Variants in CREB5 observed in about 807,000 individuals in gnomAD.
CREB5 encodes the protein cAMP responsive element binding protein 5.
Under a neutral mutation model 57.1 loss-of-function variants are expected in CREB5, and 19 were observed. The ratio of observed to expected loss-of-function variants is 0.33; its 90% confidence interval spans 0.23 to 0.49. The LOEUF is 0.49. Among genes scored for constraint, CREB5 ranks in the 20% least tolerant of loss-of-function variants. The pLI is 0.99. For synonymous variants in CREB5, 238 were observed against 238.3 expected, an observed-to-expected ratio of 1.00 and a Z score of 0.01; for missense variants, 579 against 671.6, an observed-to-expected ratio of 0.86 and a Z score of 1.52.
intron 4 of CREB5, among the ~76,000 whole-genome samples, chr7:28,509,676 T>C (rs1792620769): frequency 6.6e-6 from 1 of 152,100 alleles, no homozygotes; most frequent in Admixed American, 6.5e-5. Context: ...TGAAAAAGAG[T>C]ATAGATAATT....
chr7:28,355,624 TCCCCCTG>T (rs1283445694), intron 1 of CREB5, among the ~76,000 whole-genome samples: 7 of 152,080 alleles, frequency 4.6e-5, no homozygotes, highest in Non-Finnish European at 1.0e-4. Flanking sequence ...ATAAAAATGC[TCCCCCTG>T]CCACCACTTA....
chr7:28,454,022 C>G (rs187480078), intron 1 of CREB5, among the ~76,000 whole-genome samples: 2 of 142,798 alleles, frequency 1.4e-5, no homozygotes, highest in Admixed American at 1.5e-4. Flanking sequence ...GGCATGATCT[C>G]GGCTCACTGT....
At chr7:28,396,506 A>G (rs1253146574) in intron 1 of CREB5, among the ~76,000 whole-genome samples, 1 of 152,128 alleles carries the variant, frequency 6.6e-6, no homozygotes, top group African/African-American at 2.4e-5. Flanking sequence ...CAAATTAAAC[A>G]TATTTTTTCA....
intron 1 of CREB5, among the ~76,000 whole-genome samples, chr7:28,302,237 A>G (rs1281233308): frequency 6.6e-6 from 1 of 152,204 alleles, no homozygotes; most frequent in Non-Finnish European, 1.5e-5. Flanking sequence ...TAAGTATTTC[A>G]TTAATAATTT....
chr7:28,674,715 A>G (rs1182785457), intron 5 of CREB5, among the ~76,000 whole-genome samples: 2 of 152,154 alleles, frequency 1.3e-5, no homozygotes, highest in African/African-American at 2.4e-5. Flanking sequence ...CTGTATCACT[A>G]CTCATCCAGA....
chr7:28,487,804 G>C (rs1791631193), intron 1 of CREB5, among the ~76,000 whole-genome samples: 1 of 152,190 alleles, frequency 6.6e-6, no homozygotes, highest in South Asian at 2.1e-4. Context: ...CTTTCAGCAG[G>C]ACTGGACAAG....
Position 28,560,915 on chromosome 7 carries a change from C to CGT in CREB5, c.292-9444_292-9443dup, listed in dbSNP as rs1272052332. 9.9e-3 allele frequency among the ~76,000 whole-genome samples: 168 copies of CGT among 16,894 alleles called. 25 individuals carry two copies. Among genetic ancestry groups the CGT allele is most frequent in the African/African-American group, 0.041 (147 of 3,610 alleles). The allele number at this position is 16,894 out of a possible 152,430, so 11.1% of individuals were successfully genotyped here. On this transcript the variant is annotated intron_variant, in intron 4 of 10. Transcript: ENST00000357727. ...GTGTGTGCGTGCGCGCGTGCGTGTG[C>CGT]GTGTGTGCGCGTGCGTGTGTGCGTG...
chr7:28,661,970 A>G (rs941895847), intron 5 of CREB5, among the ~76,000 whole-genome samples: 9 of 152,214 alleles, frequency 5.9e-5, no homozygotes, highest in African/African-American at 1.9e-4. Context: ...TGTAATAGGG[A>G]ACACAGTTCT....
At chr7:28,305,274 C>T (rs550005408) in intron 1 of CREB5, among the ~76,000 whole-genome samples, 128 of 152,176 alleles carry the variant, frequency 8.4e-4, no homozygotes, top group Non-Finnish European at 1.0e-3. Context: ...GCTTTCTCAT[C>T]TCCAGTCTTT....
chr7:28,744,458 G>A lies in CREB5; in HGVS notation c.702+20126G>A, dbSNP rs564046886. On this transcript the variant is annotated intron_variant, in intron 7 of 10. Transcript: ENST00000357727. ...CGCCTCCCACGTTCAAGCGATTCTC[G>A]TGCCTCAGCCTCCCGAGTAGCTGGG... 1.1e-4 allele frequency among the ~76,000 whole-genome samples: 16 copies of A among 145,912 alleles called. 1 individual carries two copies. In the South Asian group the frequency reaches 1.8e-3, roughly 16 times the overall value.
At chr7:28,461,159 G>A (rs555217092) in intron 1 of CREB5, among the ~76,000 whole-genome samples, 1 of 151,866 alleles carries the variant, frequency 6.6e-6, no homozygotes, top group Non-Finnish European at 1.5e-5. Context: ...GGGGTTCAAG[G>A]CTACAGTGAC....
intron 8 of CREB5, among the ~76,000 whole-genome samples, chr7:28,808,484 A>C (rs1185903925): frequency 1.3e-5 from 2 of 152,096 alleles, no homozygotes; most frequent in Non-Finnish European, 2.9e-5. Context: ...AATAACCCTG[A>C]CCTTTCTGTT....
intron 7 of CREB5, among the ~76,000 whole-genome samples, chr7:28,795,483 C>A (rs957679780): frequency 6.6e-6 from 1 of 152,190 alleles, no homozygotes; most frequent in Non-Finnish European, 1.5e-5. Flanking sequence ...CAGTATCTGG[C>A]AGAGGAGCCA....
At chr7:28,720,978 C>T (rs1803002926) in intron 6 of CREB5, among the ~76,000 whole-genome samples, 1 of 152,162 alleles carries the variant, frequency 6.6e-6, no homozygotes, top group South Asian at 2.1e-4. Context: ...GTTTCTACCA[C>T]ATCATTTATT....
At chr7:28,465,775 AT>A (rs777371151) in intron 1 of CREB5, among the ~76,000 whole-genome samples, 53 of 151,550 alleles carry the variant, frequency 3.5e-4, no homozygotes, top group African/African-American at 7.5e-4. Flanking sequence ...ACTAATGGCT[AT>A]TTTTTTTTCC....
chr7:28,326,751 T>C (rs1040051356), intron 1 of CREB5, among the ~76,000 whole-genome samples: 92 of 152,250 alleles, frequency 6.0e-4, no homozygotes, highest in African/African-American at 2.1e-3. Context: ...ATTCTTATTA[T>C]AGAATTAGGG....
intron 5 of CREB5, among the ~76,000 whole-genome samples, chr7:28,650,599 C>A (rs189523153): frequency 6.6e-6 from 1 of 152,072 alleles, no homozygotes; most frequent in South Asian, 2.1e-4. Flanking sequence ...CTTCCCCCCC[C>A]AACCTTCCAT....
intron 7 of CREB5, among the ~76,000 whole-genome samples, chr7:28,761,724 ATGTGTGTG>A (rs3831526): frequency 2.7e-5 from 4 of 146,052 alleles, no homozygotes; most frequent in Non-Finnish European, 4.6e-5. Context: ...GATGTGAGGG[ATGTGTGTG>A]TGTGTGTGTG....
At chr7:28,416,078 G>A (rs1240546346) in intron 1 of CREB5, among the ~76,000 whole-genome samples, 2 of 152,186 alleles carry the variant, frequency 1.3e-5, no homozygotes, top group African/African-American at 4.8e-5. Flanking sequence ...TTTAGTCTGT[G>A]CTGTATTTAA....
Sources: allele counts gnomAD v4.1 joint callset (sites outside exome capture counted in the v4.1 genomes callset), GRCh38; gene constraint gnomAD v4.1.1; transcripts MANE v1.5; gene names NCBI Gene and HGNC (gene_info 2026-07-23, HGNC 2026-07-21).